Variants in WDR35 observed in about 807,000 individuals in gnomAD.
WDR35 encodes the protein WD repeat domain 35.
WDR35 carries 118 observed loss-of-function variants against 158.3 expected under a neutral mutation model. The ratio of observed to expected loss-of-function variants is 0.75; its 90% CI spans 0.64 to 0.87. The LOEUF is 0.87. Ranked by LOEUF, WDR35 falls within the 40% of genes least tolerant of loss-of-function variation. The pLI, the probability that WDR35 is intolerant of heterozygous loss-of-function variation, is 0.00. For synonymous variants in WDR35, 448 were observed against 476.1 expected, an observed-to-expected ratio of 0.94 and a Z score of 0.77; for missense variants, 1,263 against 1,405.8, an observed-to-expected ratio of 0.90 and a Z score of 1.62.
intron 2 of WDR35, among the ~76,000 whole-genome samples, chr2:19,984,949 T>G (rs1672506236): frequency 6.6e-6 from 1 of 152,194 alleles, no homozygotes. Flanking sequence ...TCTGGCAGGA[T>G]CATCTGGTTG....
At position 19,990,007 on chromosome 2, in the gene WDR35, G is replaced by A; in HGVS notation, c.9C>T (p.Phe3=). MF[F]YLSKKISIPN... ...GGAAACTCACTTTCTTGCTCAGGTAGAAGAACATCGTGGGATCCCCGAGAG... is the reference window on the plus strand; with the variant it reads ...GGAAACTCACTTTCTTGCTCAGGTAAAAGAACATCGTGGGATCCCCGAGAG... The change falls in exon 1 of 27, where the codon TTC becomes TTT. Residue 3 remains phenylalanine, a synonymous_variant. Transcript: ENST00000281405. 1 of 1,614,038 alleles carries A rather than the reference G, an allele frequency of 6.2e-7. No individual in the cohort carries two copies. Among genetic ancestry groups the A allele is most frequent in the Non-Finnish European group, 8.5e-7 (1 of 1,179,972 alleles).
chr2:19,960,441 C>T, intron 11 of WDR35, 113 bp downstream of exon 11: 1 of 833,626 alleles, frequency 1.2e-6, no homozygotes, highest in Non-Finnish European at 1.9e-6. Context: ...GAAGTATGGT[C>T]ATCCTCGTTT....
At chr2:19,945,358 A>C (rs777791279) in intron 16 of WDR35, among the ~76,000 whole-genome samples, 10 of 152,208 alleles carry the variant, frequency 6.6e-5, no homozygotes, top group Admixed American at 3.3e-4. Flanking sequence ...AGACAAAGTA[A>C]GCACAGAATT....
chr2:19,979,032 C>T (rs1001356948), intron 4 of WDR35, among the ~76,000 whole-genome samples, 153 bp from the exon 5 acceptor site: 3 of 152,166 alleles, frequency 2.0e-5, no homozygotes, highest in African/African-American at 7.2e-5. Context: ...ACTTCCAAAT[C>T]CAACAAAAAC....
At chr2:19,916,470 G>A (rs953181796) in intron 25 of WDR35, among the ~76,000 whole-genome samples, 1 of 152,224 alleles carries the variant, frequency 6.6e-6, no homozygotes, top group Non-Finnish European at 1.5e-5. Context: ...ATGGAGCCCA[G>A]TAAGCTCAAG....
At chr2:19,916,024 T>A (rs548610020) in intron 25 of WDR35, among the ~76,000 whole-genome samples, 52 of 152,086 alleles carry the variant, frequency 3.4e-4, no homozygotes, top group African/African-American at 1.2e-3. Context: ...GGTGGGTGAT[T>A]TCCGCATTTC....
At chr2:19,940,590 G>T (rs928994324) in intron 17 of WDR35, among the ~76,000 whole-genome samples, 4 of 152,100 alleles carry the variant, frequency 2.6e-5, no homozygotes, top group African/African-American at 9.7e-5. Flanking sequence ...CTCCATTTTT[G>T]ATGGTTGGCT....
intron 25 of WDR35, among the ~76,000 whole-genome samples, chr2:19,922,797 G>C (rs534461782): frequency 1.3e-5 from 2 of 152,176 alleles, no homozygotes; most frequent in Non-Finnish European, 2.9e-5. Context: ...CCCAAAACTG[G>C]CCATAAACAA....
intron 16 of WDR35, among the ~76,000 whole-genome samples, chr2:19,943,517 C>A (rs914279386): frequency 4.6e-5 from 7 of 151,940 alleles, no homozygotes; most frequent in African/African-American, 1.5e-4. Context: ...TATTTTGATT[C>A]ATAATATATT....
chr2:19,967,035 C>A, intron 9 of WDR35, 126 bp from the exon 10 acceptor site: 2 of 859,154 alleles, frequency 2.3e-6, no homozygotes, highest in South Asian at 1.6e-5. Context: ...TCACTGCTGA[C>A]AAAATATATT....
rs1200353707 is a variant in WDR35, at chr2:19,946,524, C to A, written c.1571G>T (p.Gly524Val). The A allele has an allele frequency of 6.2e-7, 1 of 1,613,644 alleles. No homozygotes were observed. The highest frequency in any genetic ancestry group is 1.1e-5 in the South Asian group (1 of 91,070). The change falls in exon 15 of 27, where the codon GGT (glycine) becomes GTT (valine). Residue 524 changes from glycine to valine, a missense_variant. Transcript: ENST00000281405. ...ATTAAGGGAATATTTTTGAATCAAA[C>A]CAACATTAGGTAGACTGTATCTCTG... ...TIQRYSLPNV[G>V]LIQKYSLNCR... is the part of the protein sequence containing the mutation.
chr2:19,979,451 T>C (rs1286878840), intron 4 of WDR35, among the ~76,000 whole-genome samples: 1 of 152,202 alleles, frequency 6.6e-6, no homozygotes, highest in African/African-American at 2.4e-5. Context: ...TATACTACAT[T>C]AGTGACACGA....
chr2:19,935,382 T>C, intron 21 of WDR35, 89 bp downstream of exon 21: 1 of 1,417,180 alleles, frequency 7.1e-7, no homozygotes, highest in South Asian at 1.3e-5. Flanking sequence ...TTTTTAATTT[T>C]CTTTATTGTG....
At chr2:19,913,886 A>G in intron 26 of WDR35, 151 bp downstream of exon 26, 1 of 1,399,366 alleles carries the variant, frequency 7.1e-7, no homozygotes, top group Non-Finnish European at 9.7e-7. Context: ...TAAAGCATGA[A>G]TACACTTGTA....
rs914988069 is a variant in WDR35, at chr2:19,911,297, C to G, written c.*2261G>C. ...ATGAATTCTCAGCTGATTCCTGAGA[C>G]AGGAAAGGGAAAGAAGAGATACTCA... On this transcript the variant is annotated 3_prime_UTR_variant, in exon 27 of 27. Transcript: ENST00000281405. 3 of 152,192 alleles carry G rather than the reference C, an allele frequency of 2.0e-5. No individual in the cohort carries two copies. Among genetic ancestry groups the G allele is most frequent in the Non-Finnish European group, 2.9e-5 (2 of 68,052 alleles). 9.4% of individuals were successfully genotyped at this position (152,192 alleles called of 1,614,324 possible).
In WDR35 at chr2:19,980,690, C is replaced by T. The variant is rs1198343826; in HGVS notation, c.307+1G>A. 1 of 1,611,540 alleles carries T rather than the reference C, an allele frequency of 6.2e-7. No individual in the cohort carries two copies. Among genetic ancestry groups the T allele is most frequent in the Non-Finnish European group, 8.5e-7 (1 of 1,177,828 alleles). The stretch of plus-strand genomic sequence containing the variant: ...AAATAATCTCTCCTAGTAAAGTATA[C>T]CTTTATATAACATCCACACAATGAT... On this transcript the variant is annotated splice_donor_variant, in intron 4 of 26. Coordinates refer to ENST00000281405, the MANE Select transcript of WDR35 (RefSeq NM_020779.4). LOFTEE classifies it high-confidence loss of function.
chr2:19,933,621 A>C, intron 21 of WDR35, 110 bp from the exon 22 acceptor site: 1 of 950,938 alleles, frequency 1.1e-6, no homozygotes, highest in East Asian at 2.6e-5. Flanking sequence ...ACTGGTAGTT[A>C]CAGATTTTTC....
chr2:19,939,511 C>T (rs1477443292), intron 17 of WDR35, among the ~76,000 whole-genome samples: 1 of 152,122 alleles, frequency 6.6e-6, no homozygotes, highest in East Asian at 1.9e-4. Flanking sequence ...TTTAAACTCA[C>T]TTTCAGGTTA....
intron 10 of WDR35, 123 bp from the exon 11 acceptor site, chr2:19,960,737 ACT>A (rs917547629): frequency 1.4e-6 from 1 of 735,504 alleles, no homozygotes; most frequent in Non-Finnish European, 2.3e-6. Context: ...AACTGATGAA[ACT>A]GTTACGTGCA....
Sources: gnomAD v4.1 joint callset for allele counts (sites outside exome capture counted in the v4.1 genomes callset) on GRCh38, gnomAD v4.1.1 for gene constraint, MANE v1.5 for transcripts, NCBI Gene and HGNC (gene_info 2026-07-23, HGNC 2026-07-21) for gene names.